The following KCNB2 variants were observed in gnomAD, a reference collection of about 807,000 sequenced individuals.
The protein encoded by KCNB2 is potassium voltage-gated channel subfamily B member 2, also known as delayed rectifier potassium channel protein.
Under a neutral mutation model 61.5 loss-of-function variants are expected in KCNB2, and 15 were observed. The observed-to-expected ratio is 0.24, with a 90% confidence interval of 0.16 to 0.38. The LOEUF is 0.38. KCNB2 is among the 10% of genes least tolerant of loss of function. The pLI is 1.00. For synonymous variants in KCNB2, 457 were observed against 446.0 expected (o/e 1.02, Z -0.31); for missense variants, 828 against 1,125.2 (o/e 0.74, Z 3.78).
At chr8:72,577,239 A>T (rs1181873014) in intron 2 of KCNB2, among the ~76,000 whole-genome samples, 2 of 152,126 alleles carry the variant, frequency 1.3e-5, no homozygotes, top group African/African-American at 2.4e-5. Flanking sequence ...AGCCAGTAGC[A>T]GCAGCCCTCA....
chr8:72,718,553 C>CT (rs1807487788), intron 2 of KCNB2, among the ~76,000 whole-genome samples: 1 of 151,614 alleles, frequency 6.6e-6, no homozygotes, highest in South Asian at 2.1e-4. Flanking sequence ...TCTCAGCAAA[C>CT]TTTCGCAAGG....
intron 2 of KCNB2, among the ~76,000 whole-genome samples, chr8:72,873,087 C>T (rs1377711931): frequency 6.6e-6 from 1 of 152,198 alleles, no homozygotes; most frequent in Non-Finnish European, 1.5e-5. Context: ...TCAGGTTCTT[C>T]TCCCAGACTC....
At chr8:72,698,011 A>G (rs114248272) in intron 2 of KCNB2, among the ~76,000 whole-genome samples, 256 of 152,226 alleles carry the variant, frequency 1.7e-3, no homozygotes, top group African/African-American at 5.9e-3. Flanking sequence ...CCATTCTGCA[A>G]TCACACAAGA....
chr8:72,767,203 A>G (rs1266344207), intron 2 of KCNB2, among the ~76,000 whole-genome samples: 1 of 152,178 alleles, frequency 6.6e-6, no homozygotes, highest in African/African-American at 2.4e-5. Flanking sequence ...TATATCCACC[A>G]GGTTATCTTT....
intron 2 of KCNB2, among the ~76,000 whole-genome samples, chr8:72,622,821 C>T (rs1482497906): frequency 6.6e-6 from 1 of 152,146 alleles, no homozygotes; most frequent in African/African-American, 2.4e-5. Flanking sequence ...TACTAAAATG[C>T]TCCATGCATC....
rs114583942 is a variant in KCNB2, at chr8:72,604,116, A to T, written c.579+35803A>T. 9.0e-3 allele frequency among the ~76,000 whole-genome samples: 1,368 copies of T among 152,260 alleles called. 20 individuals are homozygous for T. Among genetic ancestry groups the T allele is most frequent in the African/African-American group, 0.031 (1,301 of 41,552 alleles). On this transcript the variant is annotated intron_variant, in intron 2 of 2. Transcript: ENST00000523207. ...CCTAAGAAATTAATAAATGAGCTGT[A>T]TGACTTGGAACAAGTTATTCATCCT...
rs1805905054 is a variant in KCNB2, at chr8:72,892,054, ATT to A, written c.580-43880_580-43879del. 3.3e-5 allele frequency among the ~76,000 whole-genome samples: 5 copies of A among 152,098 alleles called. No homozygotes were observed. In the South Asian group the frequency reaches 1.0e-3, roughly 32 times the overall value. On this transcript the variant is annotated intron_variant, in intron 2 of 2. Coordinates refer to ENST00000523207, the MANE Select transcript of KCNB2 (RefSeq NM_004770.3). Reference sequence around the variant, plus strand: ...TAAAGGATGGAGGGAAGCCGAAGATATTGTTTCAACACCCTCAGTTTTGCTCC... The same window carrying A: ...TAAAGGATGGAGGGAAGCCGAAGATAGTTTCAACACCCTCAGTTTTGCTCC...
At chr8:72,692,142 A>G (rs1366713783) in intron 2 of KCNB2, among the ~76,000 whole-genome samples, 1 of 150,570 alleles carries the variant, frequency 6.6e-6, no homozygotes, top group Non-Finnish European at 1.5e-5. Flanking sequence ...AGGCTGAGGC[A>G]GGAGAATGGC....
intron 2 of KCNB2, among the ~76,000 whole-genome samples, chr8:72,927,072 C>T (rs564927947): frequency 1.2e-4 from 19 of 152,210 alleles, no homozygotes; most frequent in African/African-American, 4.3e-4. Context: ...GGAGTGGGGC[C>T]GGAGAATTAG....
chr8:72,781,723 A>G (rs1808758445), intron 2 of KCNB2, among the ~76,000 whole-genome samples: 1 of 152,138 alleles, frequency 6.6e-6, no homozygotes, highest in African/African-American at 2.4e-5. Flanking sequence ...TGAATTTTAA[A>G]GTAGTTTTTT....
At chr8:72,719,696 C>T (rs900805680) in intron 2 of KCNB2, among the ~76,000 whole-genome samples, 32 of 152,042 alleles carry the variant, frequency 2.1e-4, no homozygotes, top group Admixed American at 7.9e-4. Flanking sequence ...TTGCTCTGCT[C>T]CCTCACCATC....
chr8:72,925,764 A>G (rs939758269), intron 2 of KCNB2, among the ~76,000 whole-genome samples: 9 of 152,230 alleles, frequency 5.9e-5, no homozygotes, highest in Non-Finnish European at 8.8e-5. Context: ...AGTAATATAA[A>G]TCATTCTATT....
chr8:72,648,145 G>A (rs1051437294), intron 2 of KCNB2, among the ~76,000 whole-genome samples: 3 of 152,096 alleles, frequency 2.0e-5, no homozygotes, highest in Admixed American at 6.6e-5. Flanking sequence ...GTGAATGTTC[G>A]TGTCGAGAGT....
chr8:72,744,251 A>C (rs911982317), intron 2 of KCNB2, among the ~76,000 whole-genome samples: 1 of 152,180 alleles, frequency 6.6e-6, no homozygotes, highest in Non-Finnish European at 1.5e-5. Context: ...TTGCTCTTTC[A>C]TATGTGTATG....
At chr8:72,709,282 A>G (rs1807285094) in intron 2 of KCNB2, among the ~76,000 whole-genome samples, 1 of 152,182 alleles carries the variant, frequency 6.6e-6, no homozygotes. Flanking sequence ...TTAAATTTAC[A>G]TTGGCATGTG....
intron 2 of KCNB2, among the ~76,000 whole-genome samples, chr8:72,808,508 G>A (rs559471989): frequency 6.6e-6 from 1 of 152,128 alleles, no homozygotes; most frequent in South Asian, 2.1e-4. Context: ...TTTCTAACAA[G>A]AGTCAATGTA....
intron 2 of KCNB2, among the ~76,000 whole-genome samples, chr8:72,852,480 A>G (rs1056022560): frequency 6.6e-6 from 1 of 152,132 alleles, no homozygotes; most frequent in Non-Finnish European, 1.5e-5. Context: ...TACAAACCAC[A>G]GTTGAAATAT....
At chr8:72,704,901 C>T (rs561078087) in intron 2 of KCNB2, among the ~76,000 whole-genome samples, 1 of 152,244 alleles carries the variant, frequency 6.6e-6, no homozygotes, top group African/African-American at 2.4e-5. Flanking sequence ...CTTATAATAC[C>T]TAATACAATG....
chr8:72,681,549 G>C (rs1471586281), intron 2 of KCNB2, among the ~76,000 whole-genome samples: 1 of 152,058 alleles, frequency 6.6e-6, no homozygotes, highest in Non-Finnish European at 1.5e-5. Flanking sequence ...ACCTCTGAAG[G>C]ACCTGCCTGA....
Sources: allele counts gnomAD v4.1 joint callset (sites outside exome capture counted in the v4.1 genomes callset), GRCh38; gene constraint gnomAD v4.1.1; transcripts MANE v1.5; gene names NCBI Gene and HGNC (gene_info 2026-07-23, HGNC 2026-07-21).